The following REV3L variants were observed in gnomAD, a reference collection of about 807,000 sequenced individuals.
REV3L encodes the protein DNA polymerase zeta catalytic subunit.
REV3L carries 69 observed loss-of-function variants against 299.4 expected under a neutral mutation model. The observed-to-expected ratio is 0.23, with a 90% CI of 0.19 to 0.28. REV3L has a LOEUF of 0.28. Ranked by LOEUF, REV3L falls within the 10% of genes least tolerant of loss-of-function variation. The pLI is 1.00. For missense variants in REV3L, 3,128 were observed against 3,693.8 expected (o/e 0.85, Z 3.97); for synonymous variants, 1,238 against 1,271.4 (o/e 0.97, Z 0.56).
chr6:111,351,184 AT>A (rs1777531106), intron 19 of REV3L, among the ~76,000 whole-genome samples: 1 of 152,146 alleles, frequency 6.6e-6, no homozygotes, highest in Non-Finnish European at 1.5e-5. Context: ...AAAATCAATG[AT>A]TAGTTAACTA....
intron 20 of REV3L, among the ~76,000 whole-genome samples, chr6:111,345,774 G>A (rs945033129): frequency 1.3e-5 from 2 of 149,298 alleles, no homozygotes; most frequent in African/African-American, 2.5e-5. Flanking sequence ...TGCTGCTGCC[G>A]CCTTTTTTTT....
intron 16 of REV3L, among the ~76,000 whole-genome samples, chr6:111,362,094 T>A (rs1362475390): frequency 1.3e-5 from 2 of 152,226 alleles, no homozygotes; most frequent in East Asian, 1.9e-4. Flanking sequence ...AAAAAGTTTT[T>A]AAAAATTTGC....
At chr6:111,379,864 A>G in intron 11 of REV3L, 118 bp downstream of exon 11, 1 of 715,500 alleles carries the variant, frequency 1.4e-6, no homozygotes, top group Non-Finnish European at 2.4e-6. Flanking sequence ...GGGAATTTTA[A>G]AACATCAATT....
Position 111,466,995 on chromosome 6 carries a change from C to T in REV3L, c.139+15755G>A, listed in dbSNP as rs187336202. On this transcript the variant is annotated intron_variant, in intron 1 of 31. Coordinates refer to ENST00000368802, the MANE Select transcript of REV3L (RefSeq NM_001372078.1). ...ATAAAGATGTTAGTAATAAAGCAGA[C>T]GCTAAAGAATACATCAATAACTTTG... Among the ~76,000 whole-genome samples, 41 of 152,198 alleles carry T rather than the reference C, an allele frequency of 2.7e-4. No individual in the cohort carries two copies. In the South Asian group the frequency reaches 6.6e-3, roughly 25 times the overall value.
chr6:111,409,358 G>A (rs1446734010), intron 3 of REV3L, among the ~76,000 whole-genome samples: 5 of 147,578 alleles, frequency 3.4e-5, no homozygotes, highest in African/African-American at 1.2e-4. Flanking sequence ...ATGTGAAACC[G>A]GCTTTTTTTT....
chr6:111,365,757 T>C (rs1165926610), intron 14 of REV3L, among the ~76,000 whole-genome samples: 5 of 152,084 alleles, frequency 3.3e-5, no homozygotes, highest in African/African-American at 7.2e-5. Context: ...GGGAATATAA[T>C]TGGGAATTTT....
chr6:111,445,696 T>G (rs899174463), intron 1 of REV3L, among the ~76,000 whole-genome samples: 2 of 152,100 alleles, frequency 1.3e-5, no homozygotes, highest in African/African-American at 2.4e-5. Context: ...GGAAACAAAA[T>G]GCTTAGGGAG....
intron 30 of REV3L, chr6:111,307,775 C>T: frequency 1.8e-6 from 1 of 562,352 alleles, no homozygotes; most frequent in Non-Finnish European, 3.1e-6. Context: ...ATGGAACTTA[C>T]ATCTTAATAT....
chr6:111,305,417 C>A (rs556932198), intron 31 of REV3L, among the ~76,000 whole-genome samples: 1 of 151,468 alleles, frequency 6.6e-6, no homozygotes, highest in Admixed American at 6.6e-5. Flanking sequence ...ATAGTGAGAC[C>A]CGATGTCTAA....
At chr6:111,418,333 A>C (rs1181085573) in intron 1 of REV3L, among the ~76,000 whole-genome samples, 1 of 152,232 alleles carries the variant, frequency 6.6e-6, no homozygotes, top group Non-Finnish European at 1.5e-5. Context: ...TTTTACAAGA[A>C]ACAATTACAA....
At chr6:111,415,001 C>T (rs1399267962) in intron 2 of REV3L, among the ~76,000 whole-genome samples, 2 of 152,126 alleles carry the variant, frequency 1.3e-5, no homozygotes, top group Non-Finnish European at 2.9e-5. Flanking sequence ...CTCTTATTCT[C>T]GTCCCCCTAC....
At chr6:111,427,375 C>G (rs1193626559) in intron 1 of REV3L, among the ~76,000 whole-genome samples, 17 of 152,002 alleles carry the variant, frequency 1.1e-4, no homozygotes, top group Non-Finnish European at 5.9e-5. Context: ...ACAACTCTTT[C>G]AACTCAATAA....
chr6:111,338,312 C>CTTTTTTTTTTTTTTTTTTTTTTTTTTTT (rs144497761), intron 21 of REV3L, among the ~76,000 whole-genome samples: 2 of 47,942 alleles, frequency 4.2e-5, no homozygotes, highest in Non-Finnish European at 6.7e-5. Context: ...GTCTAAAGTC[C>CTTTTTTTTTTTTTTTTTTTTTTTTTTTT]TTTTTTTTTT....
At chr6:111,425,316 G>A (rs548413992) in intron 1 of REV3L, among the ~76,000 whole-genome samples, 4 of 152,230 alleles carry the variant, frequency 2.6e-5, no homozygotes, top group South Asian at 2.1e-4. Context: ...AAAATTAGCC[G>A]GGTGTGGTGG....
At chr6:111,319,580 G>C (rs1295981307) in intron 26 of REV3L, among the ~76,000 whole-genome samples, 1 of 152,088 alleles carries the variant, frequency 6.6e-6, no homozygotes, top group Non-Finnish European at 1.5e-5. Context: ...ATAAGACCTA[G>C]TATTTGATAG....
At chr6:111,448,479 C>A (rs1789121926) in intron 1 of REV3L, among the ~76,000 whole-genome samples, 1 of 152,046 alleles carries the variant, frequency 6.6e-6, no homozygotes, top group South Asian at 2.1e-4. Flanking sequence ...GGACCACAGG[C>A]ACCGGCCACC....
intron 3 of REV3L, among the ~76,000 whole-genome samples, chr6:111,406,541 C>T (rs574166260): frequency 5.3e-4 from 81 of 152,168 alleles, no homozygotes; most frequent in African/African-American, 1.5e-3. Flanking sequence ...TAACAAGGAT[C>T]ATAGAAATGT....
chr6:111,343,113 T>C (rs1023200013), intron 21 of REV3L, among the ~76,000 whole-genome samples: 4 of 152,228 alleles, frequency 2.6e-5, no homozygotes, highest in Admixed American at 2.6e-4. Context: ...GTTCACATGC[T>C]GACTCATATG....
chr6:111,399,818 TAG>T (rs1312225064), intron 4 of REV3L, among the ~76,000 whole-genome samples: 1 of 152,188 alleles, frequency 6.6e-6, no homozygotes. Context: ...CACGTGGTTA[TAG>T]AGTTTGATGA....
Sources: allele counts gnomAD v4.1 joint callset (sites outside exome capture counted in the v4.1 genomes callset), GRCh38; gene constraint gnomAD v4.1.1; transcripts MANE v1.5; gene names NCBI Gene and HGNC (gene_info 2026-07-23, HGNC 2026-07-21).